The following CCDC178 variants were observed in gnomAD, a reference collection of about 807,000 sequenced individuals.
The protein encoded by CCDC178 is coiled-coil domain containing 178, also known as coiled-coil domain-containing protein 178.
Under a neutral mutation model 117.4 loss-of-function variants are expected in CCDC178, and 126 were observed. The observed-to-expected ratio is 1.07, with a 90% CI of 0.93 to 1.24. The LOEUF (loss-of-function observed/expected upper bound fraction) is 1.24. CCDC178 is among the 50% of genes most tolerant of loss of function. The pLI, the probability that CCDC178 is intolerant of heterozygous loss-of-function variation, is 0.00. For missense variants in CCDC178, 1,030 were observed against 986.9 expected (o/e 1.04, Z -0.59); for synonymous variants, 283 against 313.4 (o/e 0.90, Z 1.02).
At chr18:33,018,807 GT>G (rs1178994208) in intron 21 of CCDC178, among the ~76,000 whole-genome samples, 1 of 152,028 alleles carries the variant, frequency 6.6e-6, no homozygotes, top group Non-Finnish European at 1.5e-5. Flanking sequence ...TTCAAAGTTA[GT>G]GGTGATGGTT....
chr18:33,143,347 T>C (rs1049412043), intron 20 of CCDC178, among the ~76,000 whole-genome samples: 1 of 152,128 alleles, frequency 6.6e-6, no homozygotes, highest in Non-Finnish European at 1.5e-5. Context: ...AGAAGCAGAA[T>C]ATAAGTAAAA....
intron 18 of CCDC178, among the ~76,000 whole-genome samples, chr18:33,221,161 T>C (rs542390991): frequency 6.6e-6 from 1 of 152,166 alleles, no homozygotes; most frequent in East Asian, 1.9e-4. Flanking sequence ...CTACACTCTC[T>C]TTCACCTGAA....
chr18:32,939,984 A>G (rs1262182068), intron 22 of CCDC178, among the ~76,000 whole-genome samples: 1 of 152,186 alleles, frequency 6.6e-6, no homozygotes, highest in Non-Finnish European at 1.5e-5. Context: ...TGTAATTTGC[A>G]TAATAAAATG....
At chr18:33,192,551 T>C (rs1243606493) in intron 20 of CCDC178, among the ~76,000 whole-genome samples, 1 of 152,158 alleles carries the variant, frequency 6.6e-6, no homozygotes, top group Non-Finnish European at 1.5e-5. Context: ...ATTATTACAA[T>C]CTACAACAGA....
intron 21 of CCDC178, among the ~76,000 whole-genome samples, chr18:33,077,286 C>T (rs972832524): frequency 6.6e-6 from 1 of 152,082 alleles, no homozygotes; most frequent in Non-Finnish European, 1.5e-5. Context: ...AGTAGAGTAG[C>T]CTAAAATTAC....
At chr18:33,184,209 A>T (rs2058763579) in intron 20 of CCDC178, among the ~76,000 whole-genome samples, 1 of 152,044 alleles carries the variant, frequency 6.6e-6, no homozygotes, top group Non-Finnish European at 1.5e-5. Flanking sequence ...ATGTCAAGAG[A>T]CTATGCCTCT....
intron 3 of CCDC178, among the ~76,000 whole-genome samples, chr18:33,398,690 A>C (rs1214931885): frequency 6.6e-6 from 1 of 152,292 alleles, no homozygotes; most frequent in African/African-American, 2.4e-5. Context: ...GGAACACATT[A>C]GAGTGAAATA....
At chr18:33,030,752 G>C (rs1385721851) in intron 21 of CCDC178, among the ~76,000 whole-genome samples, 1 of 152,042 alleles carries the variant, frequency 6.6e-6, no homozygotes, top group Non-Finnish European at 1.5e-5. Context: ...TAGATCAATA[G>C]ACATAGATGA....
intron 20 of CCDC178, among the ~76,000 whole-genome samples, chr18:33,120,046 G>A (rs271568): frequency 0.16 from 24,144 of 151,752 alleles, 2,658 homozygotes; most frequent in African/African-American, 0.32. Context: ...GGGGTGGGGG[G>A]AGTGGGGAGG....
chr18:33,412,160 A>C, intron 2 of CCDC178, 50 bp from the exon 3 acceptor site: 1 of 728,674 alleles, frequency 1.4e-6, no homozygotes, highest in Non-Finnish European at 2.2e-6. Context: ...ATTAGTTTAT[A>C]TTTAATTTTA....
chr18:33,275,764 A>C (rs1049106657), intron 12 of CCDC178, among the ~76,000 whole-genome samples: 1 of 151,204 alleles, frequency 6.6e-6, no homozygotes, highest in African/African-American at 2.4e-5. Flanking sequence ...TCCAACCCAG[A>C]GTTTTTTCTG....
chr18:33,224,507 A>G (rs1418515807), intron 17 of CCDC178, among the ~76,000 whole-genome samples: 2 of 152,162 alleles, frequency 1.3e-5, no homozygotes, highest in Admixed American at 1.3e-4. Flanking sequence ...GTTTAACATA[A>G]TGAACGTTCA....
Position 33,164,282 on chromosome 18 carries a change from A to G in CCDC178, c.2238+47614T>C, listed in dbSNP as rs1023893312. Reference sequence around the variant, plus strand: ...GCCAGGCTAATTTTGTATTTTTAGTAGAGACGGAGTTTCTCCTTGTTGGTC... The same window carrying G: ...GCCAGGCTAATTTTGTATTTTTAGTGGAGACGGAGTTTCTCCTTGTTGGTC... On this transcript the variant is annotated intron_variant, in intron 20 of 22. Coordinates refer to ENST00000383096, the MANE Select transcript of CCDC178 (RefSeq NM_001105528.4). 9.2e-5 allele frequency among the ~76,000 whole-genome samples: 14 copies of G among 151,868 alleles called. No homozygotes were observed. The East Asian group carries it at 1.9e-3, about 21-fold the overall frequency.
intron 21 of CCDC178, among the ~76,000 whole-genome samples, chr18:33,073,392 G>T (rs2057143172): frequency 6.6e-6 from 1 of 151,874 alleles, no homozygotes; most frequent in Non-Finnish European, 1.5e-5. Context: ...CATTTAAAAG[G>T]TTGCATAATA....
chr18:33,267,087 G>T, intron 13 of CCDC178, 35 bp from the exon 14 acceptor site: 1 of 1,554,762 alleles, frequency 6.4e-7, no homozygotes. Flanking sequence ...ATTCATACAT[G>T]TCTAATTATC....
chr18:32,972,430 T>C (rs1213427063), intron 22 of CCDC178, among the ~76,000 whole-genome samples: 7 of 152,154 alleles, frequency 4.6e-5, no homozygotes. Context: ...AGCCTTGTAG[T>C]ATAGTTTGAA....
At chr18:33,328,959 T>C (rs2062626333) in intron 10 of CCDC178, among the ~76,000 whole-genome samples, 1 of 152,182 alleles carries the variant, frequency 6.6e-6, no homozygotes, top group South Asian at 2.1e-4. Flanking sequence ...ATTTATTCAA[T>C]TCTTATTCAA....
rs959268510 is a variant in CCDC178, at chr18:33,356,487, T to C, written c.349-141A>G. On this transcript the variant is annotated intron_variant, in intron 6 of 22. Coordinates refer to ENST00000383096, the MANE Select transcript of CCDC178 (RefSeq NM_001105528.4). ...TTGTGTACTTATACTCTCGGTTGTA[T>C]AAACCAAAAATAAAATTCTAAGCCC... 10 of 925,474 alleles carry C rather than the reference T, an allele frequency of 1.1e-5. No individual in the cohort carries two copies. The African/African-American group carries it at 1.7e-4, about 16-fold the overall frequency. 57.3% of individuals were successfully genotyped at this position (925,474 alleles called of 1,614,324 possible).
chr18:33,312,301 A>C (rs1032140411), intron 11 of CCDC178, among the ~76,000 whole-genome samples: 2 of 152,260 alleles, frequency 1.3e-5, no homozygotes. Flanking sequence ...ATCCCCAGAC[A>C]GGCAGGAAAC....
Sources: allele counts gnomAD v4.1 joint callset (sites outside exome capture counted in the v4.1 genomes callset), GRCh38; gene constraint gnomAD v4.1.1; transcripts MANE v1.5; gene names NCBI Gene and HGNC (gene_info 2026-07-23, HGNC 2026-07-21).